Variants in ANKS1A observed in about 807,000 individuals in gnomAD.
ANKS1A encodes ankyrin repeat and SAM domain-containing protein 1A.
Under a neutral mutation model 120.3 loss-of-function variants are expected in ANKS1A, and 55 were observed. The ratio of observed to expected loss-of-function variants is 0.46; its 90% CI spans 0.37 to 0.57. The LOEUF (loss-of-function observed/expected upper bound fraction) is 0.57, where lower values mean the gene tolerates loss of function less well. ANKS1A is among the 20% of genes least tolerant of loss of function. ANKS1A has a pLI of 0.00. For missense variants in ANKS1A, 1,123 were observed against 1,480.3 expected, an observed-to-expected ratio of 0.76 and a Z score of 3.96; for synonymous variants, 590 against 604.7, an observed-to-expected ratio of 0.98 and a Z score of 0.36.
intron 2 of ANKS1A, among the ~76,000 whole-genome samples, chr6:34,967,710 A>G (rs1770971622): frequency 2.0e-5 from 3 of 151,938 alleles, no homozygotes; most frequent in Admixed American, 2.0e-4. Flanking sequence ...AAACAAAAAC[A>G]AAACAAAGGT....
intron 1 of ANKS1A, among the ~76,000 whole-genome samples, chr6:34,948,150 T>A (rs1389258506): frequency 6.7e-6 from 1 of 149,592 alleles, no homozygotes; most frequent in Non-Finnish European, 1.5e-5. Context: ...ATCATTTAGG[T>A]GTTTTTTTTT....
chr6:34,950,454 C>A (rs2127492455), intron 1 of ANKS1A, among the ~76,000 whole-genome samples: 1 of 152,074 alleles, frequency 6.6e-6, no homozygotes, highest in Middle Eastern at 3.4e-3. Flanking sequence ...GTCTTGAACT[C>A]CTGACCTCAG....
chr6:35,085,616 TAAAGGAGGG>T lies in ANKS1A; in HGVS notation c.3133-138_3133-130del, dbSNP rs922363964. The T allele has an allele frequency of 5.3e-6, 3 of 568,688 alleles. No individual in the cohort carries two copies. Among genetic ancestry groups the T allele is most frequent in the East Asian group, 3.5e-5 (1 of 28,422 alleles). 35.2% of individuals were successfully genotyped at this position (568,688 alleles called of 1,614,324 possible). On this transcript the variant is annotated intron_variant, in intron 21 of 23. Coordinates refer to ENST00000360359, the MANE Select transcript of ANKS1A (RefSeq NM_015245.3). The surrounding 1 kb of genome is among the most constrained non-coding windows in gnomAD (Gnocchi z 4.7). ...AAGAACAACAGAGACCTAGGAAGAG[TAAAGGAGGG>T]AAAGGAGGGAAGAGTGGAAGGAGGT...
At chr6:34,910,299 C>T (rs193226897) in intron 1 of ANKS1A, among the ~76,000 whole-genome samples, 246 of 152,246 alleles carry the variant, frequency 1.6e-3, no homozygotes, top group African/African-American at 5.6e-3. Flanking sequence ...CACAGTGGCT[C>T]GTGCCCTGTA....
chr6:35,092,490 T>A (rs1778339534), downstream of ANKS1A, among the ~76,000 whole-genome samples: 1 of 152,230 alleles, frequency 6.6e-6, no homozygotes, highest in Non-Finnish European at 1.5e-5. Flanking sequence ...AACTCCCAAC[T>A]AGGGCTTTGT....
At chr6:34,891,143 TG>T (rs1766802401) in intron 1 of ANKS1A, among the ~76,000 whole-genome samples, 1 of 152,162 alleles carries the variant, frequency 6.6e-6, no homozygotes, top group Non-Finnish European at 1.5e-5. Flanking sequence ...AGACTTAAGC[TG>T]GCCTTGAAGG....
rs987157599 is a variant in ANKS1A, at chr6:35,057,780, T to C, written c.2078-2367T>C. Among the ~76,000 whole-genome samples, 4 of 152,234 alleles carry C rather than the reference T, an allele frequency of 2.6e-5. No individual in the cohort carries two copies. The highest frequency in any genetic ancestry group is 9.6e-5 in the African/African-American group (4 of 41,466). On this transcript the variant is annotated intron_variant, in intron 12 of 23. Transcript: ENST00000360359. This position sits in a 1 kb window ranked among gnomAD's most constrained non-coding sequence, Gnocchi z 4.1. ...ATCAAGTGTAACGGCCTTATTTCAT[T>C]GCCTGTTTTTATAAGAAGCACAGTC...
At chr6:34,998,691 G>A (rs771734014) in intron 10 of ANKS1A, among the ~76,000 whole-genome samples, 35 of 152,136 alleles carry the variant, frequency 2.3e-4, no homozygotes, top group Admixed American at 1.3e-3. Flanking sequence ...CCTTAGAGTT[G>A]TGAGCCCTTA....
At chr6:34,898,722 A>G (rs1767211660) in intron 1 of ANKS1A, among the ~76,000 whole-genome samples, 2 of 152,136 alleles carry the variant, frequency 1.3e-5, no homozygotes, top group African/African-American at 4.8e-5. Flanking sequence ...TTTTCTGTGC[A>G]AACTTTTTTT....
intron 11 of ANKS1A, among the ~76,000 whole-genome samples, chr6:35,041,284 G>A (rs1023258864): frequency 6.6e-6 from 1 of 152,174 alleles, no homozygotes. Flanking sequence ...GTTGTTGGCA[G>A]CAATCAATGC....
At chr6:35,032,012 G>C (rs1015754218) in intron 11 of ANKS1A, among the ~76,000 whole-genome samples, 11 of 152,194 alleles carry the variant, frequency 7.2e-5, no homozygotes, top group Admixed American at 2.0e-4. Flanking sequence ...CACTGATGGA[G>C]AGCCTACTGT....
intron 1 of ANKS1A, among the ~76,000 whole-genome samples, chr6:34,917,559 C>A (rs932876818): frequency 2.0e-5 from 3 of 152,206 alleles, no homozygotes; most frequent in African/African-American, 4.8e-5. Flanking sequence ...AGTGAAATGG[C>A]ACTCTGTTAA....
At chr6:35,032,175 T>C (rs780056767) in intron 11 of ANKS1A, among the ~76,000 whole-genome samples, 3 of 152,016 alleles carry the variant, frequency 2.0e-5, no homozygotes, top group Non-Finnish European at 4.4e-5. Context: ...AGGAGCAGAG[T>C]GCTGGGCAAG....
At chr6:34,952,130 G>A (rs1770120227) in intron 1 of ANKS1A, among the ~76,000 whole-genome samples, 1 of 152,146 alleles carries the variant, frequency 6.6e-6, no homozygotes, top group Non-Finnish European at 1.5e-5. Flanking sequence ...CTGCGACCCT[G>A]GGTAAGTTAT....
chr6:34,955,460 G>T (rs892815189), intron 1 of ANKS1A, among the ~76,000 whole-genome samples: 3 of 152,016 alleles, frequency 2.0e-5, no homozygotes, highest in African/African-American at 4.8e-5. Flanking sequence ...TCTATGTCCA[G>T]CTTATTCTTA....
intron 9 of ANKS1A, among the ~76,000 whole-genome samples, chr6:34,991,785 TATATATATACATATATATACACACAC>T: frequency 7.1e-6 from 1 of 140,616 alleles, no homozygotes; most frequent in East Asian, 2.0e-4. Context: ...TATACACACA[TATATATATACATATATATACACACAC>T]ATATATATAT....
Position 35,088,848 on chromosome 6 carries a change from G to A in ANKS1A, c.*239G>A, listed in dbSNP as rs1778143637. The A allele has an allele frequency of 6.9e-7, 1 of 1,448,780 alleles. No individual in the cohort carries two copies. The highest frequency in any genetic ancestry group is 1.4e-5 in the South Asian group (1 of 69,578). 89.7% of individuals were successfully genotyped at this position (1,448,780 alleles called of 1,614,324 possible). ...GCAGATGGGACTGGCATTCCAGAGG[G>A]TCAAGAAGTGACTTGTTCAGAACAC... On this transcript the variant is annotated 3_prime_UTR_variant, in exon 24 of 24. Coordinates refer to ENST00000360359, the MANE Select transcript of ANKS1A (RefSeq NM_015245.3).
In ANKS1A at chr6:35,017,635, A is replaced by G. The variant is rs1387494463; in HGVS notation, c.1586A>G (p.Asp529Gly). Reference protein sequence around the residue: ...LLCTAGQSHPDGSPQQGACHK... With the variant: ...LLCTAGQSHPGGSPQQGACHK... ...TGTACCGCTGGCCAGAGCCATCCAG[A>G]CGGGTCCCCCCAGCAGGGCGCCTGC... is the stretch of plus-strand genomic sequence containing the variant. Residue 529 changes from aspartate to glycine, a missense_variant, in exon 11 of 24, where the codon GAC becomes GGC. Around this residue, in one of 3 missense-constraint regions of ANKS1A, gnomAD observed 904 missense variants for 1,130.4 expected, o/e 0.80. Coordinates refer to ENST00000360359, the MANE Select transcript of ANKS1A (RefSeq NM_015245.3). 6.2e-7 allele frequency: 1 copy of G among 1,613,584 alleles called. No homozygotes were observed.
chr6:35,091,048 G>C lies in ANKS1A; in HGVS notation c.*2439G>C, dbSNP rs1167449620. ...GACATTAGAAAACCAGTCTGAATTG[G>C]GTCTGTCTTTGAGATGCCCAGGCCA... On this transcript the variant is annotated 3_prime_UTR_variant, in exon 24 of 24. Coordinates refer to ENST00000360359, the MANE Select transcript of ANKS1A (RefSeq NM_015245.3). The C allele has an allele frequency of 3.0e-6, 3 of 985,768 alleles. No homozygotes were observed. Among genetic ancestry groups the C allele is most frequent in the East Asian group, 1.1e-4 (1 of 8,824 alleles). The allele number at this position is 985,768 out of a possible 1,614,324, so 61.1% of individuals were successfully genotyped here.
Sources: gnomAD v4.1 joint callset for allele counts (sites outside exome capture counted in the v4.1 genomes callset) on GRCh38, gnomAD v4.1.1 for gene constraint, gnomAD v4.1.1 regional missense constraint, Gnocchi (gnomAD v3.1) non-coding constraint, MANE v1.5 for transcripts, NCBI Gene and HGNC (gene_info 2026-07-23, HGNC 2026-07-21) for gene names.